Variants in ZFAT observed in about 807,000 individuals in gnomAD.
ZFAT encodes the protein zinc finger protein ZFAT.
ZFAT carries 64 observed loss-of-function variants against 117.7 expected under a neutral mutation model. The observed-to-expected ratio is 0.54, with a 90% CI of 0.44 to 0.67. ZFAT has a LOEUF of 0.67. Among genes scored for constraint, ZFAT ranks in the 30% least tolerant of loss-of-function variants. The pLI is 0.00. For synonymous variants in ZFAT, 679 were observed against 615.0 expected (o/e 1.10, Z -1.54); for missense variants, 1,433 against 1,584.5 (o/e 0.90, Z 1.62).
chr8:134,603,678 T>C (rs1827682767), intron 5 of ZFAT, among the ~76,000 whole-genome samples: 1 of 152,224 alleles, frequency 6.6e-6, no homozygotes, highest in African/African-American at 2.4e-5. Context: ...AGCTGAGCTC[T>C]GCCTATTTCT....
chr8:134,811,329 C>G, the ZFAT span, among the ~76,000 whole-genome samples: 1 of 152,170 alleles, frequency 6.6e-6, no homozygotes, highest in Non-Finnish European at 1.5e-5. Context: ...AAACACGTCT[C>G]TGATGCAGGG....
chr8:134,662,288 G>T (rs921550795), intron 1 of ZFAT, among the ~76,000 whole-genome samples: 1 of 152,160 alleles, frequency 6.6e-6, no homozygotes, highest in Non-Finnish European at 1.5e-5. Context: ...ACATTAGGGG[G>T]TAGGTTTTGA....
intron 15 of ZFAT, among the ~76,000 whole-genome samples, chr8:134,501,585 T>C (rs774449121): frequency 5.3e-5 from 8 of 152,164 alleles, no homozygotes; most frequent in Non-Finnish European, 8.8e-5. Context: ...AGGGTTCCAT[T>C]ACGGTGCGAG....
Position 134,657,737 on chromosome 8 carries a change from T to C in ZFAT, c.20A>G (p.Glu7Gly), listed in dbSNP as rs1831697506. Residue 7 changes from glutamate to glycine, a missense_variant and splice_region_variant, in exon 2 of 16, where the codon GAA becomes GGA. Coordinates refer to ENST00000377838, the MANE Select transcript of ZFAT (RefSeq NM_020863.4). METRAA[E>G]NTAIFMCKCC... ...TTTACACATAAAGATGGCCGTGTTT[T>C]CTGTAAGGAAAAAAAAGGAAAATAT... is the stretch of plus-strand genomic sequence containing the variant. 1 of 1,606,086 alleles carries C rather than the reference T, an allele frequency of 6.2e-7. No individual in the cohort carries two copies. The highest frequency in any genetic ancestry group is 1.3e-5 in the African/African-American group (1 of 74,370).
chr8:134,603,072 C>T, intron 5 of ZFAT, 139 bp from the exon 6 acceptor site: 1 of 1,182,608 alleles, frequency 8.5e-7, no homozygotes, highest in Non-Finnish European at 1.2e-6. Flanking sequence ...CAGTCACTCA[C>T]TCAACAAACA....
chr8:134,738,430 C>A, the ZFAT span, among the ~76,000 whole-genome samples: 1 of 152,192 alleles, frequency 6.6e-6, no homozygotes. Flanking sequence ...CTTAGCTTTT[C>A]ATTTGATTAT....
the ZFAT span, among the ~76,000 whole-genome samples, chr8:134,743,707 G>A: frequency 3.3e-5 from 5 of 152,052 alleles, no homozygotes; most frequent in Non-Finnish European, 7.4e-5. Context: ...ACCTGGGGAG[G>A]GGAAGAGGGG....
chr8:134,523,456 G>A (rs1161454939), intron 12 of ZFAT, among the ~76,000 whole-genome samples: 2 of 152,168 alleles, frequency 1.3e-5, no homozygotes, highest in East Asian at 3.9e-4. Flanking sequence ...CCAGGCCACT[G>A]CAGTCTTCTG....
chr8:134,505,690 G>A (rs1322111798), intron 15 of ZFAT, among the ~76,000 whole-genome samples: 2 of 152,216 alleles, frequency 1.3e-5, no homozygotes, highest in South Asian at 2.1e-4. Flanking sequence ...AGGGAGCCTC[G>A]GGTCAAGGAG....
At chr8:134,735,749 T>G in the ZFAT span, among the ~76,000 whole-genome samples, 1 of 152,190 alleles carries the variant, frequency 6.6e-6, no homozygotes, top group Non-Finnish European at 1.5e-5. Context: ...GAGATTTAAA[T>G]GCATATAAGC....
Position 134,602,670 on chromosome 8 carries a change from T to C in ZFAT, c.1049A>G (p.Lys350Arg). The C allele has an allele frequency of 6.8e-6, 11 of 1,614,226 alleles. No individual in the cohort carries two copies. Among genetic ancestry groups the C allele is most frequent in the African/African-American group, 1.3e-5 (1 of 75,066 alleles). ...GAAGCGGCAGTGCTGCTTGATCTTC[T>C]TGTGCACTCGCTCGATGTGCACCTT... ...HLKVHIERVH[K>R]KIKQHCRFCK... Residue 350 changes from lysine (K) to arginine (R), a missense_variant, in exon 6 of 16, where the codon AAG (lysine) becomes AGG (arginine). Around this residue, in one of 5 missense-constraint regions of ZFAT, gnomAD observed 436 missense variants for 482.0 expected, o/e 0.90. Transcript: ENST00000377838.
chr8:134,561,529 TCTTA>T lies in ZFAT; in HGVS notation c.2976+3800_2976+3803del, dbSNP rs1563850406. On this transcript the variant is annotated intron_variant, in intron 11 of 15. Coordinates refer to ENST00000377838, the MANE Select transcript of ZFAT (RefSeq NM_020863.4). ...AAGGAATCAACAAGTACTTTCCAAA[TCTTA>T]CTTAGTGAACACATTAATTTTATTT... Among the ~76,000 whole-genome samples, 3 of 152,370 alleles carry T rather than the reference TCTTA, an allele frequency of 2.0e-5. No homozygotes were observed. The South Asian group carries it at 6.2e-4, about 32-fold the overall frequency.
At chr8:134,706,353 A>G (rs1834151924) in intron 1 of ZFAT, among the ~76,000 whole-genome samples, 1 of 152,226 alleles carries the variant, frequency 6.6e-6, no homozygotes, top group Non-Finnish European at 1.5e-5. Flanking sequence ...AAAGAATTAT[A>G]TGATGTTCTA....
the ZFAT span, among the ~76,000 whole-genome samples, chr8:134,769,581 C>A: frequency 6.6e-6 from 1 of 152,216 alleles, no homozygotes; most frequent in African/African-American, 2.4e-5. Flanking sequence ...GTGCATGGTG[C>A]AAGCTGTTGG....
intron 13 of ZFAT, among the ~76,000 whole-genome samples, chr8:134,517,539 C>A (rs1185749050): frequency 6.6e-6 from 1 of 152,174 alleles, no homozygotes; most frequent in African/African-American, 2.4e-5. Context: ...TAACATCTTT[C>A]GTAATCATGG....
chr8:134,806,795 G>A, the ZFAT span, among the ~76,000 whole-genome samples: 2 of 152,176 alleles, frequency 1.3e-5, no homozygotes, highest in Non-Finnish European at 2.9e-5. Flanking sequence ...ATGTACAGAA[G>A]TTGAATATTA....
intron 11 of ZFAT, among the ~76,000 whole-genome samples, chr8:134,550,325 A>AAAAAACAACAAC (rs1554643705): frequency 2.7e-5 from 4 of 150,536 alleles, no homozygotes; most frequent in African/African-American, 9.9e-5. Flanking sequence ...AAAAAAAAAA[A>AAAAAACAACAAC]AAAAAAACAG....
chr8:134,512,746 C>T (rs1157905151), intron 13 of ZFAT, 145 bp from the exon 14 acceptor site: 8 of 1,041,194 alleles, frequency 7.7e-6, no homozygotes, highest in Non-Finnish European at 8.1e-6. Flanking sequence ...CCTGAGAAAC[C>T]AGTTGCTCCC....
chr8:134,754,197 CAG>C, the ZFAT span, among the ~76,000 whole-genome samples: 4 of 152,356 alleles, frequency 2.6e-5, no homozygotes, highest in East Asian at 7.7e-4. Context: ...GGATGAGAAA[CAG>C]AGTCCTTGTG....
Sources: gnomAD v4.1 joint callset for allele counts (sites outside exome capture counted in the v4.1 genomes callset) on GRCh38, gnomAD v4.1.1 for gene constraint, gnomAD v4.1.1 regional missense constraint, MANE v1.5 for transcripts, NCBI Gene and HGNC (gene_info 2026-07-23, HGNC 2026-07-21) for gene names.